OPRM1: variants seen among roughly 807,000 people sequenced by gnomAD.
OPRM1 encodes opioid receptor mu 1.
OPRM1 carries 27 observed loss-of-function variants against 31.8 expected under a neutral mutation model. That is an observed-to-expected ratio of 0.85 (90% CI 0.63 to 1.17). The LOEUF is 1.17. OPRM1 is among the 50% of genes most tolerant of loss of function. OPRM1 has a pLI of 0.00. For missense variants in OPRM1, 536 were observed against 511.1 expected (o/e 1.05, Z -0.47); for synonymous variants, 196 against 189.9 (o/e 1.03, Z -0.26).
chr6:154,055,832 C>G (rs1373463541), intron 1 of OPRM1, among the ~76,000 whole-genome samples: 1 of 152,158 alleles, frequency 6.6e-6, no homozygotes, highest in Non-Finnish European at 1.5e-5. Flanking sequence ...GATGTTCGAA[C>G]AAAACAGCAT....
In OPRM1 at chr6:154,138,467, C is replaced by T. The variant is rs571988409; in HGVS notation, c.1164+46995C>T. 1.6e-4 allele frequency among the ~76,000 whole-genome samples: 24 copies of T among 152,244 alleles called. No homozygotes were observed. The South Asian group carries it at 2.9e-3, about 18-fold the overall frequency. ...CTCAGGACTTTGCTCAAAGTCCTCC[C>T]GGTAAGGCTCATGTGCCTGCTTTCT... On this transcript the variant is annotated intron_variant, in intron 3 of 3. Coordinates refer to the OPRM1 transcript ENST00000337049.
Position 154,118,648 on chromosome 6 carries a change from A to G in OPRM1, c.1165-35A>G, listed in dbSNP as rs751079322. 4.4e-6 allele frequency: 7 copies of G among 1,607,728 alleles called. 1 individual carries two copies. In the South Asian group the frequency reaches 7.7e-5, roughly 18 times the overall value. On this transcript the variant is annotated intron_variant, in intron 3 of 3. Transcript: ENST00000330432. ...AAATGTGTGTTGCAACCGTATCTGA[A>G]ATGTTCACTGTCTTTGCTCTTTCTC...
rs572829920 is a variant in OPRM1, at chr6:154,208,271, C to T, written c.1165-38422C>T. Among the ~76,000 whole-genome samples, 3 of 152,302 alleles carry T rather than the reference C, an allele frequency of 2.0e-5. No individual in the cohort carries two copies. The East Asian group carries it at 5.8e-4, about 29-fold the overall frequency. ...CCACAGAGGGCTCCTTGCAGTACCA[C>T]ACACCAAGGAGACCTTGACTCTCAC... On this transcript the variant is annotated intron_variant, in intron 3 of 3. Transcript: ENST00000337049.
intron 3 of OPRM1, among the ~76,000 whole-genome samples, chr6:154,144,169 TTTG>T (rs2128539113): frequency 6.6e-6 from 1 of 152,282 alleles, no homozygotes; most frequent in South Asian, 2.1e-4. Flanking sequence ...GGAAATAGAA[TTTG>T]TTATTTTAAA....
At chr6:154,017,845 A>G (rs1778093068) in intron 1 of OPRM1, among the ~76,000 whole-genome samples, 1 of 151,728 alleles carries the variant, frequency 6.6e-6, no homozygotes, top group Non-Finnish European at 1.5e-5. Flanking sequence ...ATTTAAGTGG[A>G]AGTGATATGT....
intron 3 of OPRM1, among the ~76,000 whole-genome samples, chr6:154,113,090 C>T (rs1796511132): frequency 6.6e-6 from 1 of 152,220 alleles, no homozygotes; most frequent in African/African-American, 2.4e-5. Flanking sequence ...AAATTCTCCT[C>T]CATTCAGCCA....
At chr6:154,107,422 C>T (rs953874791) in intron 3 of OPRM1, 23 of 717,698 alleles carry the variant, frequency 3.2e-5, no homozygotes, top group East Asian at 2.4e-4. Flanking sequence ...AGAGAATAGA[C>T]GTCTTCACTC....
rs1276987129 is a variant in OPRM1 at position 154,089,938 on chromosome 6, T to G, written c.403T>G (p.Trp135Gly). 1 of 1,614,066 alleles carries G rather than the reference T, an allele frequency of 6.2e-7. No individual in the cohort carries two copies. The highest frequency in any genetic ancestry group is 8.5e-7 in the Non-Finnish European group (1 of 1,179,946). The part of the protein sequence containing the change: ...FQSVNYLMGT[W>G]PFGTILCKIV... Reference sequence around the variant, plus strand: ...GAGTGTGAATTACCTAATGGGAACATGGCCATTTGGAACCATCCTTTGCAA... The same window carrying G: ...GAGTGTGAATTACCTAATGGGAACAGGGCCATTTGGAACCATCCTTTGCAA... The change falls in exon 2 of 4, where the codon TGG becomes GGG. Residue 135 changes from tryptophan (W) to glycine (G), a missense_variant. Trp to Gly is a radical substitution (Grantham distance 184). Coordinates refer to ENST00000330432, the MANE Select transcript of OPRM1 (RefSeq NM_000914.5).
At chr6:154,171,824 T>A (rs1799895124) in intron 3 of OPRM1, among the ~76,000 whole-genome samples, 1 of 152,178 alleles carries the variant, frequency 6.6e-6, no homozygotes, top group Non-Finnish European at 1.5e-5. Context: ...GTTTTCAGTT[T>A]TAAGACACAG....
At chr6:154,217,499 C>A (rs936866199) in intron 3 of OPRM1, 1 of 151,294 alleles carries the variant, frequency 6.6e-6, no homozygotes, top group African/African-American at 2.4e-5. Context: ...AGCATCGATT[C>A]AGCATAAAAT....
intron 3 of OPRM1, among the ~76,000 whole-genome samples, chr6:154,100,134 ATAATATATAT>A (rs1794508689): frequency 4.9e-5 from 1 of 20,546 alleles, no homozygotes; most frequent in African/African-American, 2.1e-4. Context: ...ATTATGACAT[ATAATATATAT>A]TATCATATTA....
chr6:154,025,521 T>C (rs1778643873), intron 1 of OPRM1, among the ~76,000 whole-genome samples: 1 of 152,082 alleles, frequency 6.6e-6, no homozygotes, highest in Admixed American at 6.5e-5. Flanking sequence ...TACATTTACA[T>C]TGAATGTTAT....
At chr6:154,148,337 C>G (rs1442182118) in intron 3 of OPRM1, among the ~76,000 whole-genome samples, 1 of 152,198 alleles carries the variant, frequency 6.6e-6, no homozygotes, top group African/African-American at 2.4e-5. Context: ...CAACAAGTAT[C>G]TGGTTGATGT....
intron 3 of OPRM1, chr6:154,212,834 T>C (rs763583140): frequency 3.7e-6 from 6 of 1,612,908 alleles, no homozygotes; most frequent in Non-Finnish European, 5.1e-6. Context: ...TGGATCTTCC[T>C]GTTCACTTTC....
intron 3 of OPRM1, among the ~76,000 whole-genome samples, chr6:154,193,543 T>C (rs1050518267): frequency 2.6e-5 from 4 of 152,224 alleles, no homozygotes; most frequent in Non-Finnish European, 5.9e-5. Context: ...TCTATCTGCA[T>C]ATACTTGTAC....
chr6:154,218,181 A>C (rs1486836294), intron 3 of OPRM1, among the ~76,000 whole-genome samples: 1 of 152,244 alleles, frequency 6.6e-6, no homozygotes, highest in Non-Finnish European at 1.5e-5. Context: ...AGAAAATGAC[A>C]GATGTTTCCT....
chr6:154,096,555 A>G (rs1358262773), intron 3 of OPRM1, among the ~76,000 whole-genome samples: 1 of 152,216 alleles, frequency 6.6e-6, no homozygotes, highest in Non-Finnish European at 1.5e-5. Flanking sequence ...AGTACTAACA[A>G]CCACTATAAT....
chr6:154,230,795 A>C (rs1583858524), intron 3 of OPRM1, among the ~76,000 whole-genome samples: 2 of 152,288 alleles, frequency 1.3e-5, no homozygotes, highest in Admixed American at 6.5e-5. Flanking sequence ...ATCTATGTAT[A>C]TTTTCATTGC....
At chr6:154,077,064 C>G (rs771608417) in intron 1 of OPRM1, among the ~76,000 whole-genome samples, 2 of 152,126 alleles carry the variant, frequency 1.3e-5, no homozygotes, top group Non-Finnish European at 2.9e-5. Context: ...CAAGCCTTTT[C>G]TGTATCTGTG....
Sources: allele counts gnomAD v4.1 joint callset (sites outside exome capture counted in the v4.1 genomes callset), GRCh38; gene constraint gnomAD v4.1.1; transcripts MANE v1.5; gene names NCBI Gene and HGNC (gene_info 2026-07-23, HGNC 2026-07-21).